Variants in MTUS1 observed in about 807,000 individuals in gnomAD.
MTUS1 encodes microtubule associated scaffold protein 1.
A neutral mutation model predicts 120.8 loss-of-function variants in MTUS1; 109 were observed. The observed-to-expected ratio is 0.90, with a 90% CI of 0.77 to 1.06. MTUS1 has a LOEUF of 1.06. Among genes scored for constraint, MTUS1 ranks in the 50% least tolerant of loss-of-function variants. MTUS1 has a pLI of 0.00. For missense variants in MTUS1, 2,210 were observed against 1,486.3 expected, an observed-to-expected ratio of 1.49 and a Z score of -8.01; for synonymous variants, 737 against 550.5, an observed-to-expected ratio of 1.34 and a Z score of -4.74.
chr8:17,766,049 A>G (rs184672453), intron 1 of MTUS1, among the ~76,000 whole-genome samples: 1 of 152,204 alleles, frequency 6.6e-6, no homozygotes. Context: ...GCATTAGTTT[A>G]CCTTTGTTTA....
intron 6 of MTUS1, among the ~76,000 whole-genome samples, chr8:17,697,079 T>C (rs929642886): frequency 6.6e-6 from 1 of 152,218 alleles, no homozygotes; most frequent in African/African-American, 2.4e-5. Context: ...AAAGTAAAAG[T>C]ACTATGCACT....
At chr8:17,651,146 C>G (rs1305218896) in intron 12 of MTUS1, among the ~76,000 whole-genome samples, 1 of 150,834 alleles carries the variant, frequency 6.6e-6, no homozygotes, top group Non-Finnish European at 1.5e-5. Flanking sequence ...ATTCTAGGTT[C>G]TTTAGATAGT....
chr8:17,668,943 G>A (rs1811460971), intron 8 of MTUS1, among the ~76,000 whole-genome samples: 1 of 152,202 alleles, frequency 6.6e-6, no homozygotes, highest in Non-Finnish European at 1.5e-5. Context: ...AAAAAACACT[G>A]AGTATTAGCA....
At chr8:17,659,657 T>C (rs7012469) in intron 8 of MTUS1, among the ~76,000 whole-genome samples, 115,452 of 152,082 alleles carry the variant, frequency 0.76, 43,835 homozygotes, top group Middle Eastern at 0.87. Context: ...AAGATCGCAC[T>C]ACCGCACTCC....
At chr8:17,654,444 G>T in intron 10 of MTUS1, 117 bp downstream of exon 10, 2 of 721,018 alleles carry the variant, frequency 2.8e-6, no homozygotes, top group Non-Finnish European at 4.7e-6. Flanking sequence ...GAACACCCCA[G>T]CCTGAAGGCC....
intron 6 of MTUS1, among the ~76,000 whole-genome samples, chr8:17,686,692 G>T (rs1170861149): frequency 6.6e-6 from 1 of 152,128 alleles, no homozygotes; most frequent in South Asian, 2.1e-4. Context: ...TGAGAGGTGA[G>T]TCTTTTATAT....
chr8:17,677,868 A>T (rs1813441546), intron 7 of MTUS1, among the ~76,000 whole-genome samples: 2 of 152,212 alleles, frequency 1.3e-5, no homozygotes. Context: ...ATTGGTTGGT[A>T]ACTTATTACT....
At chr8:17,761,004 G>T (rs959294075) in intron 1 of MTUS1, among the ~76,000 whole-genome samples, 1 of 151,818 alleles carries the variant, frequency 6.6e-6, no homozygotes, top group Non-Finnish European at 1.5e-5. Flanking sequence ...AGAATCATTT[G>T]GGAAAACAAG....
intron 1 of MTUS1, among the ~76,000 whole-genome samples, chr8:17,788,611 C>T (rs1028225866): frequency 6.6e-6 from 1 of 152,122 alleles, no homozygotes; most frequent in Admixed American, 6.5e-5. Flanking sequence ...GTGCCAGCTG[C>T]CTGCAGTCCT....
At chr8:17,676,608 A>T (rs1038282787) in intron 7 of MTUS1, 1 of 441,108 alleles carries the variant, frequency 2.3e-6, no homozygotes, top group African/African-American at 2.0e-5. Context: ...GGCAGGCATT[A>T]GACTGATCGA....
chr8:17,656,878 T>G (rs990989907), intron 8 of MTUS1, among the ~76,000 whole-genome samples: 4 of 149,642 alleles, frequency 2.7e-5, no homozygotes, highest in Admixed American at 2.7e-4. Context: ...GAGACCACGG[T>G]GAAACCCTGT....
intron 8 of MTUS1, among the ~76,000 whole-genome samples, chr8:17,660,296 C>G (rs1419095742): frequency 6.6e-6 from 1 of 152,120 alleles, no homozygotes; most frequent in African/African-American, 2.4e-5. Flanking sequence ...TCGCTTGAAC[C>G]CAAGCAGTGC....
intron 6 of MTUS1, among the ~76,000 whole-genome samples, chr8:17,694,413 C>T (rs1817552993): frequency 6.6e-6 from 1 of 152,184 alleles, no homozygotes. Context: ...TGTCTGTAAT[C>T]CCAGCACTTT....
intron 8 of MTUS1, among the ~76,000 whole-genome samples, chr8:17,670,770 C>T (rs1811854583): frequency 6.6e-6 from 1 of 151,872 alleles, no homozygotes; most frequent in South Asian, 2.1e-4. Context: ...TCACAGTGAG[C>T]CGAGATAGTG....
intron 1 of MTUS1, among the ~76,000 whole-genome samples, chr8:17,760,871 T>G (rs1485009709): frequency 6.6e-6 from 1 of 151,094 alleles, no homozygotes; most frequent in Non-Finnish European, 1.5e-5. Context: ...CAAGTTCTCT[T>G]TTGGTAGTAC....
At chr8:17,661,593 C>T (rs570005241) in intron 8 of MTUS1, among the ~76,000 whole-genome samples, 26 of 151,928 alleles carry the variant, frequency 1.7e-4, no homozygotes, top group Admixed American at 4.6e-4. Flanking sequence ...ATAGGATACA[C>T]AGAAGTCCTT....
rs1447701422 is a variant in MTUS1 at position 17,706,582 on chromosome 8, A to G, written c.2623+6632T>C. On this transcript the variant is annotated intron_variant, in intron 6 of 14. Coordinates refer to ENST00000693296, the MANE Select transcript of MTUS1 (RefSeq NM_001363059.2). ...ATGAAGCCAGGTGTCTTTTATGTCAACCACGGTATAAAATGATATGAAGCT... is the reference window on the plus strand; with the variant it reads ...ATGAAGCCAGGTGTCTTTTATGTCAGCCACGGTATAAAATGATATGAAGCT... Among the ~76,000 whole-genome samples, 9 of 152,310 alleles carry G rather than the reference A, an allele frequency of 5.9e-5. No homozygotes were observed. The East Asian group carries it at 1.7e-3, about 29-fold the overall frequency.
intron 4 of MTUS1, among the ~76,000 whole-genome samples, chr8:17,717,149 A>G (rs2131053707): frequency 6.6e-6 from 1 of 152,328 alleles, no homozygotes; most frequent in South Asian, 2.1e-4. Flanking sequence ...GCCCTGTACA[A>G]TGAGCCATCT....
rs577494281 is a variant in MTUS1 at position 17,704,649 on chromosome 8, A to G, written c.2623+8565T>C. Among the ~76,000 whole-genome samples the G allele has an allele frequency of 3.9e-5, 6 of 152,314 alleles. No homozygotes were observed. In the South Asian group the frequency reaches 1.0e-3, roughly 26 times the overall value. On this transcript the variant is annotated intron_variant, in intron 6 of 14. Coordinates refer to ENST00000693296, the MANE Select transcript of MTUS1 (RefSeq NM_001363059.2). ...ATGTTTCTATATTTGTGCCAGTACC[A>G]TACTCTTTTAATTACTGTGTGTTGT...
Sources: allele counts gnomAD v4.1 joint callset (sites outside exome capture counted in the v4.1 genomes callset), GRCh38; gene constraint gnomAD v4.1.1; transcripts MANE v1.5; gene names NCBI Gene and HGNC (gene_info 2026-07-23, HGNC 2026-07-21).